The following DYSF variants were observed in gnomAD, a reference collection of about 807,000 sequenced individuals.
DYSF encodes dysferlin.
Under a neutral mutation model 274.9 loss-of-function variants are expected in DYSF, and 212 were observed. That is an observed-to-expected ratio of 0.77 (90% CI 0.69 to 0.86). DYSF has a LOEUF of 0.86. Ranked by LOEUF, DYSF falls within the 40% of genes least tolerant of loss-of-function variation. DYSF has a pLI of 0.00. For synonymous variants in DYSF, 1,091 were observed against 1,078.7 expected (o/e 1.01, Z -0.22); for missense variants, 2,666 against 2,783.2 (o/e 0.96, Z 0.95).
Position 71,474,662 on chromosome 2 carries a change from C to T in DYSF, c.92-6221C>T, listed in dbSNP as rs370332103. On this transcript the variant is annotated intron_variant, in intron 1 of 55. Transcript: ENST00000410020. ...GGGGCTGCAGCACCCATGAGTGACC[C>T]CTTCCTTCATGTTACCCAGAGGGTC... is the stretch of plus-strand genomic sequence containing the variant. Among the ~76,000 whole-genome samples, 54 of 152,328 alleles carry T rather than the reference C, an allele frequency of 3.5e-4. No homozygotes were observed. The East Asian group carries it at 7.3e-3, about 21-fold the overall frequency.
At chr2:71,679,322 C>A in intron 53 of DYSF, 87 bp downstream of exon 53, 2 of 1,335,006 alleles carry the variant, frequency 1.5e-6, no homozygotes, top group South Asian at 2.6e-5. Flanking sequence ...TCAGAAAATA[C>A]ATGCTTACTG....
intron 43 of DYSF, 99 bp from the exon 44 acceptor site, chr2:71,658,779 T>C: frequency 6.8e-7 from 1 of 1,474,792 alleles, no homozygotes; most frequent in Non-Finnish European, 9.4e-7. Context: ...ATGTGGGAAT[T>C]CTGGGAGATA....
chr2:71,574,462 C>G, intron 30 of DYSF, 91 bp downstream of exon 30: 1 of 1,496,916 alleles, frequency 6.7e-7, no homozygotes, highest in Non-Finnish European at 9.0e-7. Flanking sequence ...CACAGGGACC[C>G]CAGGTTAGGA....
At chr2:71,521,191 A>G (rs2087233895) in intron 12 of DYSF, among the ~76,000 whole-genome samples, 1 of 152,164 alleles carries the variant, frequency 6.6e-6, no homozygotes, top group Admixed American at 6.5e-5. Flanking sequence ...TCTTTTTGCA[A>G]CAGTGAGATT....
Position 71,528,449 on chromosome 2 carries a change from G to A in DYSF, c.1380+48G>A, listed in dbSNP as rs1460977527. ...GGTTCTCTCGGGAGGGGACTTTCTGGTGCCCTGTGGACTGTGCCGGGTGAG... is the reference window on the plus strand; with the variant it reads ...GGTTCTCTCGGGAGGGGACTTTCTGATGCCCTGTGGACTGTGCCGGGTGAG... On this transcript the variant is annotated intron_variant, in intron 14 of 55. Transcript: ENST00000410020. The A allele has an allele frequency of 3.3e-6, 5 of 1,504,230 alleles. No individual in the cohort carries two copies. The African/African-American group carries it at 6.9e-5, about 21-fold the overall frequency. The allele number at this position is 1,504,230 out of a possible 1,614,324, so 93.2% of individuals were successfully genotyped here.
At chr2:71,502,380 G>A (rs1407095956) in intron 3 of DYSF, among the ~76,000 whole-genome samples, 2 of 151,924 alleles carry the variant, frequency 1.3e-5, no homozygotes, top group Non-Finnish European at 2.9e-5. Flanking sequence ...TGACAGTAAT[G>A]TTCAGGGTAA....
At position 71,466,873 on chromosome 2, in the gene DYSF, A is replaced by T; in HGVS notation, c.31A>T (p.Asn11Tyr). ...GTGCTGCCTGCTGGTGAGGGCCAGCAACCTCCCCAGTGCGAAGAAGGACCG... is the reference window on the plus strand; with the variant it reads ...GTGCTGCCTGCTGGTGAGGGCCAGCTACCTCCCCAGTGCGAAGAAGGACCG... MLCCLLVRAS[N>Y]LPSAKKDRRS... is the part of the protein sequence containing the mutation. Residue 11 changes from asparagine (N) to tyrosine (Y), a missense_variant, in exon 1 of 56, where the codon AAC becomes TAC. Physicochemically the swap from Asn to Tyr is moderately radical, Grantham distance 143. Transcript: ENST00000410020. 6.5e-7 allele frequency: 1 copy of T among 1,547,962 alleles called. No individual in the cohort carries two copies. The highest frequency in any genetic ancestry group is 1.2e-5 in the South Asian group (1 of 83,972).
chr2:71,495,340 A>T (rs956718670), intron 3 of DYSF, among the ~76,000 whole-genome samples: 2 of 152,212 alleles, frequency 1.3e-5, no homozygotes, highest in Admixed American at 1.3e-4. Flanking sequence ...AGCTGGTCAG[A>T]TTGCAGGGCT....
chr2:71,553,761 G>A (rs202063541), intron 20 of DYSF, 46 bp from the exon 21 acceptor site: 38 of 500,506 alleles, frequency 7.6e-5, no homozygotes, highest in Admixed American at 5.7e-4. Flanking sequence ...CATCCCACCC[G>A]CCCTCCACTC....
At chr2:71,570,045 G>C in intron 27 of DYSF, 111 bp downstream of exon 27, 1 of 1,169,794 alleles carries the variant, frequency 8.5e-7, no homozygotes, top group Non-Finnish European at 1.3e-6. Context: ...TACCTCCGGA[G>C]ACTTCATGCT....
rs1010352878 is a variant in DYSF, at chr2:71,528,204, T to C, written c.1277-94T>C. 9 of 1,109,120 alleles carry C rather than the reference T, an allele frequency of 8.1e-6. No homozygotes were observed. The African/African-American group carries it at 1.1e-4, about 13-fold the overall frequency. 68.7% of individuals were successfully genotyped at this position (1,109,120 alleles called of 1,614,324 possible). A position where few individuals can be genotyped will look rare whatever the true frequency, so the allele number is the denominator to read the frequency against. The stretch of plus-strand genomic sequence containing the variant: ...AAGGGGCCAAAGCTTCTTGCTCAGG[T>C]AGTCCCAGGACTGCCTGGAGACAGA... On this transcript the variant is annotated intron_variant, in intron 13 of 55. Transcript: ENST00000410020.
intron 30 of DYSF, among the ~76,000 whole-genome samples, chr2:71,584,844 G>T (rs1408681043): frequency 1.3e-5 from 2 of 152,210 alleles, no homozygotes. Context: ...GCCTGAGTTA[G>T]CTCATTTGAG....
intron 1 of DYSF, among the ~76,000 whole-genome samples, chr2:71,470,952 T>C (rs954710804): frequency 2.0e-5 from 3 of 151,814 alleles, no homozygotes; most frequent in Non-Finnish European, 4.4e-5. Context: ...CAACCATGCC[T>C]GGCTAATTTT....
intron 30 of DYSF, among the ~76,000 whole-genome samples, chr2:71,586,160 C>A (rs1236787023): frequency 6.6e-6 from 1 of 152,054 alleles, no homozygotes; most frequent in Admixed American, 6.5e-5. Flanking sequence ...CCCAGTCTCC[C>A]CTGGGAGGGC....
chr2:71,571,621 CAG>C (rs2092461841), intron 29 of DYSF, among the ~76,000 whole-genome samples: 3 of 139,642 alleles, frequency 2.1e-5, no homozygotes, highest in Admixed American at 7.1e-5. Flanking sequence ...AGCACACACA[CAG>C]ATCACACCCA....
intron 47 of DYSF, among the ~76,000 whole-genome samples, chr2:71,666,697 G>C (rs1457042499): frequency 6.6e-6 from 1 of 152,180 alleles, no homozygotes; most frequent in African/African-American, 2.4e-5. Flanking sequence ...ACGCACCTGG[G>C]GACAGGCACC....
At chr2:71,677,247 AAG>A (rs1440524316) in intron 52 of DYSF, among the ~76,000 whole-genome samples, 2 of 152,192 alleles carry the variant, frequency 1.3e-5, no homozygotes, top group African/African-American at 2.4e-5. Context: ...AAACTAGAAA[AAG>A]AGTTATATTT....
chr2:71,459,615 G>A (rs2081203786), intron 1 of DYSF, among the ~76,000 whole-genome samples: 1 of 152,142 alleles, frequency 6.6e-6, no homozygotes, highest in Non-Finnish European at 1.5e-5. Flanking sequence ...ATACGGAAAA[G>A]TCTTCTAATA....
At chr2:71,456,813 AG>A (rs1387048977) in intron 1 of DYSF, among the ~76,000 whole-genome samples, 2 of 152,084 alleles carry the variant, frequency 1.3e-5, no homozygotes, top group Non-Finnish European at 2.9e-5. Flanking sequence ...TGTTGTTCTC[AG>A]TATCCTTGGT....
Sources: gnomAD v4.1 joint callset for allele counts (sites outside exome capture counted in the v4.1 genomes callset) on GRCh38, gnomAD v4.1.1 for gene constraint, MANE v1.5 for transcripts, NCBI Gene and HGNC (gene_info 2026-07-23, HGNC 2026-07-21) for gene names.